Variants in LUZP2 observed in about 807,000 individuals in gnomAD.
The protein encoded by LUZP2 is leucine zipper protein 2.
LUZP2 carries 52 observed loss-of-function variants against 51.6 expected under a neutral mutation model. The ratio of observed to expected loss-of-function variants is 1.01; its 90% CI spans 0.81 to 1.27. The LOEUF (loss-of-function observed/expected upper bound fraction) is 1.27, where lower values mean the gene tolerates loss of function less well. Ranked by LOEUF, LUZP2 falls within the 50% of genes most tolerant of loss-of-function variation. The probability of loss-of-function intolerance (pLI) is 0.00; values close to 1 mark genes in which losing one functional copy is unlikely to be tolerated. For missense variants in LUZP2, 436 were observed against 395.4 expected (o/e 1.10, Z -0.87); for synonymous variants, 154 against 137.3 (o/e 1.12, Z -0.85).
At chr11:24,711,229 C>G (rs952625279) in intron 1 of LUZP2, among the ~76,000 whole-genome samples, 1 of 152,000 alleles carries the variant, frequency 6.6e-6, no homozygotes, top group Admixed American at 6.6e-5. Flanking sequence ...GCGGGCGGAT[C>G]ACGAGGTCAG....
intron 5 of LUZP2, among the ~76,000 whole-genome samples, chr11:24,860,467 T>C (rs949920241): frequency 2.6e-5 from 4 of 152,148 alleles, no homozygotes; most frequent in Non-Finnish European, 5.9e-5. Flanking sequence ...AAATGGGTCC[T>C]GTTCCCTGTG....
chr11:24,555,087 A>C (rs1321207838), intron 1 of LUZP2, among the ~76,000 whole-genome samples: 1 of 152,044 alleles, frequency 6.6e-6, no homozygotes, highest in Non-Finnish European at 1.5e-5. Flanking sequence ...AAGGCTGATA[A>C]CCCAAAACCG....
intron 7 of LUZP2, among the ~76,000 whole-genome samples, chr11:24,970,145 G>T (rs1051864322): frequency 6.6e-6 from 1 of 152,024 alleles, no homozygotes; most frequent in African/African-American, 2.4e-5. Context: ...GAATTTTGGA[G>T]CCAACAGCAT....
intron 5 of LUZP2, among the ~76,000 whole-genome samples, chr11:24,875,168 T>C (rs1000299396): frequency 6.6e-6 from 1 of 151,436 alleles, no homozygotes; most frequent in Non-Finnish European, 1.5e-5. Flanking sequence ...TAGTTACATA[T>C]GTATACATGT....
At position 24,740,085 on chromosome 11, in the gene LUZP2, A is replaced by G. The variant is rs1481086470; in HGVS notation, c.333+1783A>G. ...TTTAATCTGAGTTTCTTCATAGCCT[A>G]ATGACAAACAATGGTAGAGCAGAAT... On this transcript the variant is annotated intron_variant, in intron 4 of 11. Transcript: ENST00000336930. 3.3e-5 allele frequency among the ~76,000 whole-genome samples: 5 copies of G among 152,166 alleles called. No homozygotes were observed. The East Asian group carries it at 7.7e-4, about 24-fold the overall frequency.
chr11:24,584,114 A>C (rs1852975637), intron 1 of LUZP2, among the ~76,000 whole-genome samples: 1 of 152,134 alleles, frequency 6.6e-6, no homozygotes, highest in Admixed American at 6.6e-5. Flanking sequence ...AGACACTAAC[A>C]ATTAAAGATG....
rs527949184 is a variant in LUZP2, at chr11:24,638,102, G to A, written c.63-91067G>A. 7.9e-5 allele frequency among the ~76,000 whole-genome samples: 12 copies of A among 151,836 alleles called. 1 individual carries two copies. In the South Asian group the frequency reaches 8.3e-4, roughly 11 times the overall value. ...AGAAAAGAACCTACGTTGAAATGTTGGGGGCTGGTTCCCTGATATAAAATC... is the reference window on the plus strand; with the variant it reads ...AGAAAAGAACCTACGTTGAAATGTTAGGGGCTGGTTCCCTGATATAAAATC... On this transcript the variant is annotated intron_variant, in intron 1 of 11. Coordinates refer to ENST00000336930, the MANE Select transcript of LUZP2 (RefSeq NM_001009909.4).
chr11:24,704,753 TAG>T (rs1857525015), intron 1 of LUZP2, among the ~76,000 whole-genome samples: 1 of 152,152 alleles, frequency 6.6e-6, no homozygotes, highest in Admixed American at 6.5e-5. Flanking sequence ...TTGTGTTGAA[TAG>T]AGAGACATAA....
chr11:24,854,634 G>A (rs879258249), intron 5 of LUZP2, among the ~76,000 whole-genome samples: 2 of 145,798 alleles, frequency 1.4e-5, no homozygotes, highest in Non-Finnish European at 3.0e-5. Context: ...GAACGATTCT[G>A]TCTCACTGGC....
chr11:24,698,942 C>T (rs1857334451), intron 1 of LUZP2, among the ~76,000 whole-genome samples: 1 of 152,016 alleles, frequency 6.6e-6, no homozygotes. Flanking sequence ...CCTGTAGTCC[C>T]AGTTATTTTA....
At chr11:24,542,625 G>A (rs1288403667) in intron 1 of LUZP2, among the ~76,000 whole-genome samples, 2 of 151,904 alleles carry the variant, frequency 1.3e-5, no homozygotes, top group East Asian at 3.9e-4. Context: ...AAAATAATAT[G>A]GGTGAAAACT....
chr11:24,560,181 A>G (rs958946574), intron 1 of LUZP2, among the ~76,000 whole-genome samples: 15 of 152,230 alleles, frequency 9.9e-5, no homozygotes, highest in African/African-American at 3.4e-4. Flanking sequence ...TTAACGTGTT[A>G]TGAAATGATG....
intron 1 of LUZP2, among the ~76,000 whole-genome samples, chr11:24,563,324 A>C (rs193017744): frequency 4.6e-5 from 7 of 152,204 alleles, no homozygotes; most frequent in African/African-American, 9.6e-5. Context: ...ATGTTGGCTT[A>C]TGTTTTATGA....
At chr11:24,661,724 T>G (rs935429265) in intron 1 of LUZP2, among the ~76,000 whole-genome samples, 1 of 152,294 alleles carries the variant, frequency 6.6e-6, no homozygotes, top group Admixed American at 6.5e-5. Flanking sequence ...AGCCATAACA[T>G]TTTAAAATAA....
rs1255082884 is a variant in LUZP2 at position 24,983,380 on chromosome 11, T to A, written c.765+87T>A. ...CAGTATATATAATCACCAGAGTGGA[T>A]TCAAGTATGATAACAAATCCATTGA... On this transcript the variant is annotated intron_variant, in intron 9 of 11. Coordinates refer to ENST00000336930, the MANE Select transcript of LUZP2 (RefSeq NM_001009909.4). 2.3e-6 allele frequency: 3 copies of A among 1,297,736 alleles called. No homozygotes were observed. The African/African-American group carries it at 4.5e-5, about 19-fold the overall frequency. The allele number at this position is 1,297,736 out of a possible 1,614,324, so 80.4% of individuals were successfully genotyped here. A position where few individuals can be genotyped will look rare whatever the true frequency, so the allele number is the denominator to read the frequency against.
intron 7 of LUZP2, among the ~76,000 whole-genome samples, chr11:24,920,002 A>T (rs1312378416): frequency 6.6e-6 from 1 of 151,860 alleles, no homozygotes; most frequent in Non-Finnish European, 1.5e-5. Context: ...TTCCTTTAAG[A>T]GATTATAAAG....
chr11:24,805,682 G>T (rs890668222), intron 5 of LUZP2, among the ~76,000 whole-genome samples: 5 of 152,104 alleles, frequency 3.3e-5, no homozygotes, highest in African/African-American at 4.8e-5. Context: ...ACCCTGAGTG[G>T]CCATTGAGGT....
chr11:24,554,701 A>AATTTTT (rs59558202), intron 1 of LUZP2, among the ~76,000 whole-genome samples: 1 of 133,500 alleles, frequency 7.5e-6, no homozygotes, highest in Non-Finnish European at 1.5e-5. Context: ...TGGTTATTTA[A>AATTTTT]TTTTTTTTTT....
rs546510010 is a variant in LUZP2 at position 24,730,468 on chromosome 11, C to T, written c.180+1182C>T. ...AGAGATGGTATCAGAATGAAAACAG[C>T]GCAGGAATCATCGTGTTATGATGGA... On this transcript the variant is annotated intron_variant, in intron 2 of 11. Transcript: ENST00000336930. Among the ~76,000 whole-genome samples, 51 of 151,402 alleles carry T rather than the reference C, an allele frequency of 3.4e-4. No homozygotes were observed. In the East Asian group the frequency reaches 5.2e-3, roughly 16 times the overall value.
Sources: gnomAD v4.1 joint callset for allele counts (sites outside exome capture counted in the v4.1 genomes callset) on GRCh38, gnomAD v4.1.1 for gene constraint, MANE v1.5 for transcripts, NCBI Gene and HGNC (gene_info 2026-07-23, HGNC 2026-07-21) for gene names.